Variants in CENPT observed in about 807,000 individuals in gnomAD.
The protein encoded by CENPT is interphase centromere complex protein 22.
In CENPT, 42 loss-of-function variants were observed where a neutral mutation model predicts 59.7. The ratio of observed to expected loss-of-function variants is 0.70; its 90% CI spans 0.55 to 0.91. The LOEUF is 0.91. CENPT is among the 40% of genes least tolerant of loss of function. The pLI is 0.00. For missense variants in CENPT, 716 were observed against 713.4 expected, an observed-to-expected ratio of 1.00 and a Z score of -0.04; for synonymous variants, 295 against 289.6, an observed-to-expected ratio of 1.02 and a Z score of -0.19.
intron 1 of CENPT, among the ~76,000 whole-genome samples, chr16:67,846,284 C>A (rs2057797585): frequency 6.6e-6 from 1 of 152,274 alleles, no homozygotes; most frequent in Admixed American, 6.5e-5. Flanking sequence ...TTTGGGGGGA[C>A]CCCTGACTGT....
chr16:67,828,810 G>T lies in CENPT; in HGVS notation c.1314C>A (p.Val438=). The T allele has an allele frequency of 6.3e-7, 1 of 1,592,204 alleles. No individual in the cohort carries two copies. The highest frequency in any genetic ancestry group is 1.1e-5 in the South Asian group (1 of 87,452). ...TGGTCCGGGGCCTAGGGGGATGCCT[G>T]ACCAACAGAGGCTCTGCAGGCTCTG... ...LSSEPAEPLL[V]RHPPRPRTTG... Residue 438 remains valine, a synonymous_variant, in exon 14 of 16, where the codon GTC becomes GTA. Coordinates refer to ENST00000562787, the MANE Select transcript of CENPT (RefSeq NM_025082.4).
Position 67,829,161 on chromosome 16 carries a change from G to A in CENPT, c.1280+262C>T, listed in dbSNP as rs73593804. ...TCCTTACTCTACTGCTGCCTTTCCCGATTCTGCTAATCGTCTTCCAGGAAG... is the reference window on the plus strand; with the variant it reads ...TCCTTACTCTACTGCTGCCTTTCCCAATTCTGCTAATCGTCTTCCAGGAAG... On this transcript the variant is annotated intron_variant, in intron 13 of 15. Coordinates refer to ENST00000562787, the MANE Select transcript of CENPT (RefSeq NM_025082.4). 974 of 510,620 alleles carry A rather than the reference G, an allele frequency of 1.9e-3. 9 individuals carry two copies. Among genetic ancestry groups the A allele is most frequent in the African/African-American group, 0.017 (862 of 49,786 alleles). 31.6% of individuals were successfully genotyped at this position (510,620 alleles called of 1,614,324 possible). A position where few individuals can be genotyped will look rare whatever the true frequency, so the allele number is the denominator to read the frequency against.
At chr16:67,845,993 C>T (rs903473478) in intron 1 of CENPT, among the ~76,000 whole-genome samples, 6 of 152,198 alleles carry the variant, frequency 3.9e-5, no homozygotes, top group Admixed American at 2.0e-4. Context: ...CTGGAGAGGC[C>T]TTGTAGCCAT....
Position 67,832,153 on chromosome 16 carries a change from C to T in CENPT, c.290-45G>A. ...AGGGTGGGGCTGACAGAACAGGCCACCCTGAATAAAAGATACCACAAGACT... is the reference window on the plus strand; with the variant it reads ...AGGGTGGGGCTGACAGAACAGGCCATCCTGAATAAAAGATACCACAAGACT... On this transcript the variant is annotated intron_variant, in intron 6 of 15. Transcript: ENST00000562787. 2.5e-6 allele frequency: 4 copies of T among 1,608,418 alleles called. No homozygotes were observed. The South Asian group carries it at 4.4e-5, about 18-fold the overall frequency.
intron 10 of CENPT, 87 bp from the exon 11 acceptor site, chr16:67,830,635 T>C: frequency 7.0e-7 from 1 of 1,421,322 alleles, no homozygotes; most frequent in South Asian, 1.2e-5. Context: ...GCCCACCGGC[T>C]GCTACTCAGC....
rs1035245167 is a variant in CENPT, at chr16:67,833,656, T to C, written c.110+94A>G. On this transcript the variant is annotated intron_variant, in intron 4 of 15. Transcript: ENST00000562787. ...CCCTGCTCCTCTCTGAGACTCAGTT[T>C]TCCTCTTCGAACAGAGTCGACGCTG... 10 of 718,490 alleles carry C rather than the reference T, an allele frequency of 1.4e-5. No homozygotes were observed. The African/African-American group carries it at 1.7e-4, about 12-fold the overall frequency. 44.5% of individuals were successfully genotyped at this position (718,490 alleles called of 1,614,324 possible). A position where few individuals can be genotyped will look rare whatever the true frequency, so the allele number is the denominator to read the frequency against.
chr16:67,830,213 G>A, intron 11 of CENPT, 125 bp from the exon 12 acceptor site: 1 of 1,220,650 alleles, frequency 8.2e-7, no homozygotes, highest in Non-Finnish European at 1.2e-6. Flanking sequence ...GCCAGAGGCA[G>A]CACCAGGACA....
At chr16:67,836,065 T>C (rs1255992335) in intron 1 of CENPT, among the ~76,000 whole-genome samples, 5 of 151,034 alleles carry the variant, frequency 3.3e-5, no homozygotes, top group Non-Finnish European at 7.4e-5. Flanking sequence ...TTTGTTTTTG[T>C]TTTTTGTTTT....
chr16:67,830,669 C>T (rs1189054661), intron 10 of CENPT, 121 bp from the exon 11 acceptor site: 2 of 977,454 alleles, frequency 2.0e-6, no homozygotes, highest in Non-Finnish European at 3.1e-6. Flanking sequence ...GGACAGTGGG[C>T]TGCATGGGTC....
chr16:67,831,043 AAAG>A, intron 10 of CENPT, 170 bp downstream of exon 10: 1 of 811,008 alleles, frequency 1.2e-6, no homozygotes, highest in Non-Finnish European at 2.0e-6. Flanking sequence ...GGGACCAAGG[AAAG>A]AGGCCCCCTG....
intron 1 of CENPT, among the ~76,000 whole-genome samples, chr16:67,839,431 A>C (rs2057749607): frequency 6.6e-6 from 1 of 151,014 alleles, no homozygotes; most frequent in Non-Finnish European, 1.5e-5. Context: ...GTGGTCGTGC[A>C]CACCTGTAAT....
In CENPT at chr16:67,843,022, G is replaced by T; in HGVS notation, c.-492+4379C>A. 1 of 1,612,560 alleles carries T rather than the reference G, an allele frequency of 6.2e-7. No homozygotes were observed. The highest frequency in any genetic ancestry group is 8.5e-7 in the Non-Finnish European group (1 of 1,180,030). Reference sequence around the variant, plus strand: ...ACCTGGTATCTGCTTCCGCGGCCGTGCTTCTCACCCTTCAGGCCACTGTAG... The same window carrying T: ...ACCTGGTATCTGCTTCCGCGGCCGTTCTTCTCACCCTTCAGGCCACTGTAG... On this transcript the variant is annotated intron_variant, in intron 1 of 15. Coordinates refer to ENST00000562787, the MANE Select transcript of CENPT (RefSeq NM_025082.4). This position sits in a 1 kb window ranked among gnomAD's most constrained non-coding sequence, Gnocchi z 5.7.
Position 67,843,136 on chromosome 16 carries a change from G to A in CENPT, c.-492+4265C>T, listed in dbSNP as rs751188707. 2.0e-5 allele frequency: 33 copies of A among 1,609,954 alleles called. No individual in the cohort carries two copies. Among genetic ancestry groups the A allele is most frequent in the Non-Finnish European group, 2.5e-5 (29 of 1,179,640 alleles). ...AGCCCATCGATCTCACAGTGCAAGT[G>A]GAGTTTGCAGCCGCAGAGGGCGCAG... On this transcript the variant is annotated intron_variant, in intron 1 of 15. Transcript: ENST00000562787. This position sits in a 1 kb window ranked among gnomAD's most constrained non-coding sequence, Gnocchi z 5.7.
intron 1 of CENPT, among the ~76,000 whole-genome samples, chr16:67,840,180 C>T (rs752959408): frequency 1.3e-5 from 2 of 150,534 alleles, no homozygotes; most frequent in Non-Finnish European, 3.0e-5. Context: ...TAGCCGGGCA[C>T]GGTGGCGGGC....
rs1231719269 is a variant in CENPT at position 67,833,844 on chromosome 16, G to C, written c.16C>G (p.Pro6Ala). Residue 6 changes from proline (P) to alanine (A), a missense_variant, in exon 4 of 16, where the codon CCT becomes GCT. Coordinates refer to ENST00000562787, the MANE Select transcript of CENPT (RefSeq NM_025082.4). The part of the protein sequence containing the change: MADHN[P>A]DSDSTPRTLL... ...GTGCGCGGCGTGGAGTCGCTGTCAG[G>C]GTTGTGGTCAGCCATCGTCTCGGCC... 2.6e-6 allele frequency: 4 copies of C among 1,561,426 alleles called. No homozygotes were observed. Among genetic ancestry groups the C allele is most frequent in the African/African-American group, 2.8e-5 (2 of 71,756 alleles).
In CENPT at chr16:67,829,936, C is replaced by T; in HGVS notation, c.1015G>A (p.Glu339Lys). 6.2e-7 allele frequency: 1 copy of T among 1,614,258 alleles called. No individual in the cohort carries two copies. The highest frequency in any genetic ancestry group is 8.5e-7 in the Non-Finnish European group (1 of 1,180,044). The change falls in exon 12 of 16, where the codon GAA becomes AAA. Residue 339 changes from glutamate to lysine, a missense_variant. Transcript: ENST00000562787. ...GVEEAEKKME[E>K]EGVSVSEMEA... Reference sequence around the variant, plus strand: ...ATTTCACTCACACTCACACCTTCTTCTTCCATCTTTTTCTCTGCCTCTTCA... The same window carrying T: ...ATTTCACTCACACTCACACCTTCTTTTTCCATCTTTTTCTCTGCCTCTTCA...
chr16:67,843,601 A>C lies in CENPT; in HGVS notation c.-492+3800T>G. On this transcript the variant is annotated intron_variant, in intron 1 of 15. Coordinates refer to ENST00000562787, the MANE Select transcript of CENPT (RefSeq NM_025082.4). This position sits in a 1 kb window ranked among gnomAD's most constrained non-coding sequence, Gnocchi z 5.7. Reference sequence around the variant, plus strand: ...ATACTCCTGGGCACTGGTTGACAGTACTGAGGCTTAAGGCAGCTGGACTCT... The same window carrying C: ...ATACTCCTGGGCACTGGTTGACAGTCCTGAGGCTTAAGGCAGCTGGACTCT... The C allele has an allele frequency of 2.4e-6, 3 of 1,231,292 alleles. No individual in the cohort carries two copies. The highest frequency in any genetic ancestry group is 3.4e-6 in the Non-Finnish European group (3 of 892,390). The allele number at this position is 1,231,292 out of a possible 1,614,324, so 76.3% of individuals were successfully genotyped here.
At chr16:67,838,868 A>G (rs1358108972) in intron 1 of CENPT, among the ~76,000 whole-genome samples, 1 of 151,260 alleles carries the variant, frequency 6.6e-6, no homozygotes, top group Non-Finnish European at 1.5e-5. Flanking sequence ...CAGAGATTAC[A>G]GTGAACTGAG....
At chr16:67,846,900 C>G (rs1213539147) in intron 1 of CENPT, 1 of 152,252 alleles carries the variant, frequency 6.6e-6, no homozygotes, top group East Asian at 1.9e-4. Flanking sequence ...GCGGGGCGGG[C>G]GAAGGAAGGC....
Sources: gnomAD v4.1 joint callset for allele counts (sites outside exome capture counted in the v4.1 genomes callset) on GRCh38, gnomAD v4.1.1 for gene constraint, Gnocchi (gnomAD v3.1) non-coding constraint, MANE v1.5 for transcripts, NCBI Gene and HGNC (gene_info 2026-07-23, HGNC 2026-07-21) for gene names.